REXO5: variants seen among roughly 807,000 people sequenced by gnomAD.
REXO5 encodes RNA exonuclease 5.
REXO5 carries 48 observed loss-of-function variants against 88.5 expected under a neutral mutation model. The observed-to-expected ratio is 0.54, with a 90% CI of 0.43 to 0.69. REXO5 has a LOEUF of 0.69. REXO5 is among the 30% of genes least tolerant of loss of function. The pLI is 0.00. For synonymous variants in REXO5, 311 were observed against 336.5 expected, an observed-to-expected ratio of 0.92 and a Z score of 0.83; for missense variants, 749 against 912.2, an observed-to-expected ratio of 0.82 and a Z score of 2.30.
At chr16:20,832,963 A>G (rs1350811199) in intron 12 of REXO5, 40 bp from the exon 13 acceptor site, 2 of 1,580,534 alleles carry the variant, frequency 1.3e-6, no homozygotes, top group Non-Finnish European at 1.7e-6. Context: ...AGGTTCTGGA[A>G]AACTGTTGTT....
chr16:20,845,311 CTTTT>C, intron 18 of REXO5, 70 bp downstream of exon 18: 1 of 1,083,060 alleles, frequency 9.2e-7, no homozygotes, highest in South Asian at 1.8e-5. Flanking sequence ...ATCCTTTAAT[CTTTT>C]TTTTTTTTCT....
At chr16:20,844,055 C>T in intron 16 of REXO5, 29 bp downstream of exon 16, 1 of 1,407,894 alleles carries the variant, frequency 7.1e-7, no homozygotes, top group South Asian at 1.2e-5. Flanking sequence ...GCCCCCTTTG[C>T]TTGGGTCTGG....
intron 5 of REXO5, among the ~76,000 whole-genome samples, chr16:20,818,308 G>A (rs1159961424): frequency 2.0e-5 from 3 of 151,964 alleles, no homozygotes; most frequent in Admixed American, 2.0e-4. Flanking sequence ...TTGTGCATTG[G>A]GGAATTCCTA....
intron 7 of REXO5, 59 bp from the exon 8 acceptor site, chr16:20,825,774 A>G: frequency 8.4e-7 from 1 of 1,194,120 alleles, no homozygotes; most frequent in Non-Finnish European, 1.2e-6. Context: ...TAGTGTAAAT[A>G]GTAAGAAGAA....
chr16:20,840,454 C>A lies in REXO5; in HGVS notation c.1612C>A (p.Leu538Ile). 6.4e-7 allele frequency: 1 copy of A among 1,554,908 alleles called. No homozygotes were observed. Residue 538 changes from leucine (L) to isoleucine (I), a missense_variant, in exon 15 of 20, where the codon CTT becomes ATT. Transcript: ENST00000261377. ...FGPVQSMTFV[L>I]ETRQPHLCIQ... Reference sequence around the variant, plus strand: ...CCCAGTCCAGTCAATGACTTTTGTTCTTGAAACCCGTCAGGTAAGACCGGA... The same window carrying A: ...CCCAGTCCAGTCAATGACTTTTGTTATTGAAACCCGTCAGGTAAGACCGGA...
chr16:20,819,709 C>T lies in REXO5; in HGVS notation c.476-2053C>T, dbSNP rs577981590. On this transcript the variant is annotated intron_variant, in intron 5 of 19. Transcript: ENST00000261377. ...GGCAGAGGTTACAGTGAGCCGAGAT[C>T]GCGCCATTGCACTCCAGCCTGGGCA... 9.9e-5 allele frequency among the ~76,000 whole-genome samples: 15 copies of T among 151,098 alleles called. No homozygotes were observed. In the South Asian group the frequency reaches 2.7e-3, roughly 27 times the overall value.
chr16:20,834,131 G>C (rs1181342728), intron 13 of REXO5, among the ~76,000 whole-genome samples: 1 of 151,994 alleles, frequency 6.6e-6, no homozygotes, highest in African/African-American at 2.4e-5. Flanking sequence ...TGTGGTGTTT[G>C]CTCATGATTA....
chr16:20,819,743 G>A (rs1276116464), intron 5 of REXO5, among the ~76,000 whole-genome samples: 5 of 140,070 alleles, frequency 3.6e-5, no homozygotes, highest in South Asian at 2.3e-4. Context: ...CAACAAGAGC[G>A]AAACTCCGTC....
At chr16:20,813,029 CAT>C (rs1489081590) in intron 2 of REXO5, among the ~76,000 whole-genome samples, 159 bp from the exon 3 acceptor site, 1 of 152,178 alleles carries the variant, frequency 6.6e-6, no homozygotes, top group East Asian at 1.9e-4. Flanking sequence ...ATACCTACCA[CAT>C]ATTGTTATTT....
At position 20,806,566 on chromosome 16, in the gene REXO5, T is replaced by TC. The variant is rs1166459560; in HGVS notation, c.-138dup. 26 of 1,476,186 alleles carry TC rather than the reference T, an allele frequency of 1.8e-5. No individual in the cohort carries two copies. The highest frequency in any genetic ancestry group is 2.8e-5 in the African/African-American group (2 of 71,064). The allele number at this position is 1,476,186 out of a possible 1,614,324, so 91.4% of individuals were successfully genotyped here. On this transcript the variant is annotated 5_prime_UTR_variant, in exon 1 of 20. Transcript: ENST00000261377. ...TGGCTAAGGAGGGGAGAACCTCTGC[T>TC]CCCCGCCCGTCTTCTCTTCTGCGTT...
intron 3 of REXO5, 38 bp downstream of exon 3, chr16:20,813,340 G>GTTTCTTTT (rs2081029879): frequency 1.0e-6 from 1 of 971,366 alleles, no homozygotes; most frequent in African/African-American, 1.9e-5. Context: ...TTGACCAGCG[G>GTTTCTTTT]TTTCTTTTTT....
Position 20,833,026 on chromosome 16 carries a change from T to G in REXO5, c.1286T>G (p.Val429Gly). 1 of 1,613,744 alleles carries G rather than the reference T, an allele frequency of 6.2e-7. No individual in the cohort carries two copies. Among genetic ancestry groups the G allele is most frequent in the Non-Finnish European group, 8.5e-7 (1 of 1,179,742 alleles). ...AGTGTTTTAGAATGCTTGGATTCAG[T>G]GGGTCAGAAGCTTCTTTTTTTGACC... ...NTSVLECLDSVGQKLLFLTRE... is the reference protein window; with the variant it reads ...NTSVLECLDSGGQKLLFLTRE... The change falls in exon 13 of 20, where the codon GTG becomes GGG. Residue 429 changes from valine (V) to glycine (G), a missense_variant. By Grantham distance (109) the Val-to-Gly change is moderately radical (BLOSUM62 -3). Transcript: ENST00000261377.
In REXO5 at chr16:20,839,824, T is replaced by C; in HGVS notation, c.1453T>C (p.Phe485Leu). ...CATTGTTCAGTTCTCTTTTAAGGCC[T>C]TTTCACCTGTCCTCACTGAGGAGAT... Reference protein sequence around the residue: ...FSIVQFSFKAFSPVLTEEMNK... With the variant: ...FSIVQFSFKALSPVLTEEMNK... Residue 485 changes from phenylalanine to leucine, a missense_variant, in exon 14 of 20, where the codon TTT (phenylalanine) becomes CTT (leucine). Phe to Leu is a conservative substitution (Grantham distance 22). Transcript: ENST00000261377. 6.2e-7 allele frequency: 1 copy of C among 1,612,756 alleles called. No individual in the cohort carries two copies. The highest frequency in any genetic ancestry group is 8.5e-7 in the Non-Finnish European group (1 of 1,178,990).
chr16:20,814,211 A>G (rs888845471), intron 3 of REXO5, among the ~76,000 whole-genome samples: 3 of 151,320 alleles, frequency 2.0e-5, no homozygotes, highest in African/African-American at 7.3e-5. Flanking sequence ...CAATAGTCTT[A>G]TTTACAAAAA....
upstream of REXO5, chr16:20,806,457 C>T (rs922977158): frequency 3.2e-6 from 5 of 1,552,016 alleles, no homozygotes; most frequent in Non-Finnish European, 4.4e-6. Flanking sequence ...TTTTCCAAGT[C>T]CAGCTGCCGG....
intron 7 of REXO5, 77 bp from the exon 8 acceptor site, chr16:20,825,756 A>C: frequency 1.0e-6 from 1 of 982,012 alleles, no homozygotes; most frequent in Non-Finnish European, 1.6e-6. Flanking sequence ...AGTAGATGGC[A>C]GTTGACATAG....
Position 20,825,859 on chromosome 16 carries a change from A to G in REXO5, c.732A>G (p.Leu244=). The change falls in exon 8 of 20, where the codon CTA becomes CTG. Residue 244 remains leucine (L), a synonymous_variant. Coordinates refer to ENST00000261377, the MANE Select transcript of REXO5 (RefSeq NM_030941.3). The part of the protein sequence containing the change: ...EMCLTSKGRE[L]TRISLVAEGG... Reference sequence around the variant, plus strand: ...GCCTCACATCCAAGGGGAGAGAGCTAACACGCATCTCACTGGTTGCTGAAG... The same window carrying G: ...GCCTCACATCCAAGGGGAGAGAGCTGACACGCATCTCACTGGTTGCTGAAG... The G allele has an allele frequency of 1.2e-6, 2 of 1,613,944 alleles. No homozygotes were observed. Among genetic ancestry groups the G allele is most frequent in the African/African-American group, 1.3e-5 (1 of 75,056 alleles).
chr16:20,829,652 G>C (rs1031960714), intron 11 of REXO5, among the ~76,000 whole-genome samples: 2 of 152,176 alleles, frequency 1.3e-5, no homozygotes, highest in Non-Finnish European at 2.9e-5. Context: ...GGTCTTAAGT[G>C]TACTGTTCTA....
intron 13 of REXO5, among the ~76,000 whole-genome samples, chr16:20,835,406 C>G (rs929627373): frequency 3.3e-5 from 5 of 152,154 alleles, no homozygotes; most frequent in African/African-American, 4.8e-5. Flanking sequence ...AGATTTTACA[C>G]TCTAGCTTTT....
Sources: gnomAD v4.1 joint callset for allele counts (sites outside exome capture counted in the v4.1 genomes callset) on GRCh38, gnomAD v4.1.1 for gene constraint, MANE v1.5 for transcripts, NCBI Gene and HGNC (gene_info 2026-07-23, HGNC 2026-07-21) for gene names.